The following MS4A6A variants were observed in gnomAD, a reference collection of about 807,000 sequenced individuals.
MS4A6A encodes the protein membrane-spanning 4-domains subfamily A member 6A.
A neutral mutation model predicts 20.6 loss-of-function variants in MS4A6A; 19 were observed. The observed-to-expected ratio is 0.92, with a 90% CI of 0.64 to 1.36. The LOEUF (loss-of-function observed/expected upper bound fraction) is 1.36, where lower values mean the gene tolerates loss of function less well. Among genes scored for constraint, MS4A6A ranks in the 40% most tolerant of loss-of-function variants. The probability of loss-of-function intolerance (pLI) is 0.00; values close to 1 mark genes in which losing one functional copy is unlikely to be tolerated. For missense variants in MS4A6A, 272 were observed against 261.1 expected (o/e 1.04, Z -0.29); for synonymous variants, 108 against 105.0 (o/e 1.03, Z -0.17).
In MS4A6A at chr11:60,172,769, C is replaced by T; in HGVS notation, c.*232G>A. The T allele has an allele frequency of 7.7e-7, 1 of 1,300,022 alleles. No individual in the cohort carries two copies. The highest frequency in any genetic ancestry group is 9.9e-7 in the Non-Finnish European group (1 of 1,013,882). 80.5% of individuals were successfully genotyped at this position (1,300,022 alleles called of 1,614,324 possible). ...ATTTAACTTCCCAGAGTCTCATTCC[C>T]TTCGCTGACAAAATAGGAAGATTGA... On this transcript the variant is annotated 3_prime_UTR_variant, in exon 6 of 6. Coordinates refer to ENST00000528851, the MANE Select transcript of MS4A6A (RefSeq NM_022349.4).
At chr11:60,184,025 T>G (rs2083857722), upstream of MS4A6A, 1 of 152,250 alleles carries the variant, frequency 6.6e-6, no homozygotes, top group Non-Finnish European at 1.5e-5. Context: ...CAAGCTTCCT[T>G]CCTCCTTTCC....
At chr11:60,180,904 A>C in intron 2 of MS4A6A, 1 of 403,702 alleles carries the variant, frequency 2.5e-6, no homozygotes, top group Non-Finnish European at 4.9e-6. Flanking sequence ...ATAGAAACCC[A>C]TGTGATTGTA....
chr11:60,181,435 G>T, intron 2 of MS4A6A, 146 bp downstream of exon 2: 1 of 894,112 alleles, frequency 1.1e-6, no homozygotes, highest in Non-Finnish European at 1.7e-6. Context: ...TTCTGGGACA[G>T]TTTTCTCCAA....
At chr11:60,172,241 G>C, downstream of MS4A6A, 5 of 1,613,144 alleles carry the variant, frequency 3.1e-6, no homozygotes, top group Non-Finnish European at 4.2e-6. Flanking sequence ...CTGTGAGGCA[G>C]GAAAAGTACA....
intron 2 of MS4A6A, chr11:60,180,825 A>T: frequency 3.1e-6 from 1 of 319,522 alleles, no homozygotes; most frequent in Non-Finnish European, 6.2e-6. Context: ...CCTGACATCC[A>T]CCTCAGAGAT....
At chr11:60,172,150 C>A, downstream of MS4A6A, 1 of 1,606,072 alleles carries the variant, frequency 6.2e-7, no homozygotes, top group South Asian at 1.1e-5. Flanking sequence ...ATATTTCTCC[C>A]TTTTTTCTTA....
At chr11:60,179,557 A>C (rs2134796025) in intron 3 of MS4A6A, 1 of 572,490 alleles carries the variant, frequency 1.7e-6, no homozygotes, top group Non-Finnish European at 3.1e-6. Flanking sequence ...TTTTTCGCCT[A>C]AACCTGGAGA....
chr11:60,180,105 G>T, intron 2 of MS4A6A, 140 bp from the exon 3 acceptor site: 1 of 835,332 alleles, frequency 1.2e-6, no homozygotes, highest in Non-Finnish European at 1.9e-6. Context: ...AAACTCTGGA[G>T]TGAGAAATAT....
chr11:60,172,316 T>A (rs1024286563), downstream of MS4A6A: 10 of 1,586,408 alleles, frequency 6.3e-6, no homozygotes, highest in Admixed American at 1.8e-4. Flanking sequence ...GATGTATATA[T>A]GCCATTTTTC....
At chr11:60,175,184 T>C (rs1352066278) in intron 5 of MS4A6A, among the ~76,000 whole-genome samples, 1 of 152,222 alleles carries the variant, frequency 6.6e-6, no homozygotes, top group African/African-American at 2.4e-5. Flanking sequence ...AGTTTTAGTT[T>C]TTCATCATCA....
At chr11:60,179,554 C>T (rs1182608874) in intron 3 of MS4A6A, 2 of 566,230 alleles carry the variant, frequency 3.5e-6, no homozygotes, top group East Asian at 2.9e-5. Flanking sequence ...TTTTTTTTCG[C>T]CTAAACCTGG....
chr11:60,179,633 T>A (rs1857023757), intron 3 of MS4A6A, 198 bp downstream of exon 3: 1 of 650,282 alleles, frequency 1.5e-6, no homozygotes, highest in African/African-American at 1.8e-5. Flanking sequence ...TCAAAAGAAA[T>A]GTTTATTTGA....
Position 60,173,032 on chromosome 11 carries a change from G to C in MS4A6A, c.647C>G (p.Pro216Arg), listed in dbSNP as rs768873281. 6.2e-7 allele frequency: 1 copy of C among 1,614,078 alleles called. No homozygotes were observed. The highest frequency in any genetic ancestry group is 1.1e-5 in the South Asian group (1 of 91,082). The change falls in exon 6 of 6, where the codon CCT becomes CGT. Residue 216 changes from proline to arginine, a missense_variant. Physicochemically the swap from Pro to Arg is moderately radical, Grantham distance 103. Transcript: ENST00000528851. ...GAAGCCGGCCAGCACACTCACCCCAGGGAAGTCAGAGTAAGCCTGTTTCCA... is the reference window on the plus strand; with the variant it reads ...GAAGCCGGCCAGCACACTCACCCCACGGAAGTCAGAGTAAGCCTGTTTCCA... ...LRWKQAYSDF[P>R]GVSVLAGFT
rs1857034913 is a variant in MS4A6A, at chr11:60,179,791, C to A, written c.282+40G>T. The A allele has an allele frequency of 2.5e-6, 4 of 1,613,122 alleles. No homozygotes were observed. In the Admixed American group the frequency reaches 6.7e-5, roughly 27 times the overall value. On this transcript the variant is annotated intron_variant, in intron 3 of 5. Transcript: ENST00000528851. The stretch of plus-strand genomic sequence containing the variant: ...TCTAAGCTATTGGCATCTTCCTCCC[C>A]TCTTTGCCCCATCCTGCCCTCCTCA...
At chr11:60,172,388 C>T (rs768166633), downstream of MS4A6A, 5 of 1,411,736 alleles carry the variant, frequency 3.5e-6, no homozygotes, top group Non-Finnish European at 4.6e-6. Flanking sequence ...CCAGGTTCTT[C>T]AAATAATTGC....
intron 4 of MS4A6A, chr11:60,177,187 A>G (rs937206680): frequency 6.6e-6 from 1 of 152,162 alleles, no homozygotes; most frequent in African/African-American, 2.4e-5. Context: ...TCCATCCTCA[A>G]AGAAAGTTAA....
At chr11:60,174,644 C>T (rs1856747482) in intron 5 of MS4A6A, among the ~76,000 whole-genome samples, 1 of 152,084 alleles carries the variant, frequency 6.6e-6, no homozygotes, top group African/African-American at 2.4e-5. Context: ...CTTATGTTGC[C>T]TGTTTTTCTC....
rs200666563 is a variant in MS4A6A, at chr11:60,175,495, G to A, written c.456C>T (p.Asp152=). The A allele has an allele frequency of 1.5e-5, 24 of 1,614,082 alleles. No homozygotes were observed. The African/African-American group carries it at 3.2e-4, about 22-fold the overall frequency. Residue 152 remains aspartate, a synonymous_variant, in exon 5 of 6, where the codon GAC becomes GAT. Transcript: ENST00000528851. ...AACTTCTTGTTGGTATATTATTTTT[G>A]TCCAACTCACACTGCAGTGAGGCAG... The part of the protein sequence containing the change: ...LNPASLQCEL[D]KNNIPTRSYV...
intron 3 of MS4A6A, chr11:60,178,836 T>TAA: frequency 2.5e-6 from 1 of 401,640 alleles, no homozygotes; most frequent in Non-Finnish European, 4.9e-6. Context: ...ACTCTAAACA[T>TAA]CAAAAAAAAA....
Sources: gnomAD v4.1 joint callset for allele counts (sites outside exome capture counted in the v4.1 genomes callset) on GRCh38, gnomAD v4.1.1 for gene constraint, MANE v1.5 for transcripts, NCBI Gene and HGNC (gene_info 2026-07-23, HGNC 2026-07-21) for gene names.